Variants in CFAP46 observed in about 807,000 individuals in gnomAD.
CFAP46 encodes cilia and flagella associated protein 46.
A neutral mutation model predicts 325.7 loss-of-function variants in CFAP46; 245 were observed. The ratio of observed to expected loss-of-function variants is 0.75; its 90% CI spans 0.68 to 0.84. The LOEUF (loss-of-function observed/expected upper bound fraction) is 0.84. Among genes scored for constraint, CFAP46 ranks in the 40% least tolerant of loss-of-function variants. The pLI is 0.00. For synonymous variants in CFAP46, 1,523 were observed against 1,495.9 expected (o/e 1.02, Z -0.42); for missense variants, 3,346 against 3,543.0 (o/e 0.94, Z 1.41).
At chr10:132,933,735 G>A (rs979556450) in intron 8 of CFAP46, among the ~76,000 whole-genome samples, 46 of 152,332 alleles carry the variant, frequency 3.0e-4, no homozygotes, top group African/African-American at 9.1e-4. Flanking sequence ...GACCACGAAC[G>A]TGCTGGCGTC....
intron 6 of CFAP46, 30 bp downstream of exon 6, chr10:132,937,522 T>G: frequency 6.2e-7 from 1 of 1,612,426 alleles, no homozygotes; most frequent in Non-Finnish European, 8.5e-7. Context: ...AATTACTTCT[T>G]ACGTCTCTAT....
At position 132,912,719 on chromosome 10, in the gene CFAP46, C is replaced by G. The variant is rs569947083; in HGVS notation, c.2435G>C (p.Arg812Pro). The G allele has an allele frequency of 5.8e-6, 9 of 1,550,132 alleles. No individual in the cohort carries two copies. The African/African-American group carries it at 1.2e-4, about 21-fold the overall frequency. ...QAAEKSRKFM[R>P]PNAFHSPLDA... ...CAGTGGGCTGTGAAACGCGTTTGGT[C>G]GCATGAATTTCCTGGACTTCTCGGC... The change falls in exon 19 of 58, where the codon CGA becomes CCA. Residue 812 changes from arginine (R) to proline (P), a missense_variant. Arg to Pro is a moderately radical substitution (Grantham distance 103). Transcript: ENST00000368586.
At chr10:132,814,019 C>G in intron 54 of CFAP46, 133 bp downstream of exon 54, 6 of 678,638 alleles carry the variant, frequency 8.8e-6, no homozygotes, top group South Asian at 6.9e-5. Flanking sequence ...CTGGGTCTGT[C>G]TCAGCATTGC....
At chr10:132,809,449 G>T (rs1847534164) in intron 57 of CFAP46, among the ~76,000 whole-genome samples, 1 of 152,212 alleles carries the variant, frequency 6.6e-6, no homozygotes, top group Non-Finnish European at 1.5e-5. Flanking sequence ...GATGAGTGTG[G>T]GTTCCGTCTG....
At chr10:132,934,095 T>G (rs1472882767) in intron 8 of CFAP46, among the ~76,000 whole-genome samples, 1 of 152,336 alleles carries the variant, frequency 6.6e-6, no homozygotes, top group African/African-American at 2.4e-5. Context: ...TGCAGATAAC[T>G]AATACACCTT....
chr10:132,834,927 T>A, intron 47 of CFAP46, 152 bp from the exon 48 acceptor site: 3 of 1,134,188 alleles, frequency 2.6e-6, no homozygotes, highest in African/African-American at 1.6e-5. Context: ...GAGGGCCCCA[T>A]AGCACCTGGC....
chr10:132,825,860 C>G (rs1848035932), intron 50 of CFAP46, among the ~76,000 whole-genome samples: 1 of 152,166 alleles, frequency 6.6e-6, no homozygotes, highest in African/African-American at 2.4e-5. Flanking sequence ...GCCGAAAGGG[C>G]TGGGACTCCC....
At chr10:132,874,390 C>A (rs1235826383) in intron 31 of CFAP46, among the ~76,000 whole-genome samples, 1 of 101,680 alleles carries the variant, frequency 9.8e-6, no homozygotes, top group Non-Finnish European at 2.0e-5. Context: ...TAAAAGCATT[C>A]ATGACTAAAA....
chr10:132,916,530 C>G lies in CFAP46; in HGVS notation c.2120+19G>C. On this transcript the variant is annotated intron_variant, in intron 17 of 57. Transcript: ENST00000368586. ...CACGGCCCCGGGCGGTGCTCAAGGC[C>G]ACTGTCGCCTCTGCCCACCTGTATG... 2 of 1,544,688 alleles carry G rather than the reference C, an allele frequency of 1.3e-6. No homozygotes were observed. The highest frequency in any genetic ancestry group is 1.7e-6 in the Non-Finnish European group (2 of 1,144,098).
Position 132,939,507 on chromosome 10 carries a change from C to T in CFAP46, c.372-754G>A, listed in dbSNP as rs1850064866. On this transcript the variant is annotated intron_variant, in intron 4 of 57. Coordinates refer to ENST00000368586, the MANE Select transcript of CFAP46 (RefSeq NM_001200049.3). The surrounding 1 kb of genome is among the most constrained non-coding windows in gnomAD (Gnocchi z 4.6). The stretch of plus-strand genomic sequence containing the variant: ...TGTAGGGCCTGTGTGCCTTGTGGTC[C>T]TGGGCCGGCCACCAGGTGGACCAGC... Among the ~76,000 whole-genome samples the T allele has an allele frequency of 6.6e-6, 1 of 152,166 alleles. No individual in the cohort carries two copies. The highest frequency in any genetic ancestry group is 1.5e-5 in the Non-Finnish European group (1 of 68,020).
intron 16 of CFAP46, 64 bp from the exon 17 acceptor site, chr10:132,916,746 AACACACAC>A (rs1849646084): frequency 7.1e-7 from 1 of 1,403,704 alleles, no homozygotes; most frequent in Non-Finnish European, 9.3e-7. Flanking sequence ...CCAGATAGGA[AACACACAC>A]GCCCTTCCCT....
At chr10:132,938,855 G>A (rs1738426229) in intron 4 of CFAP46, 102 bp from the exon 5 acceptor site, 2 of 1,121,498 alleles carry the variant, frequency 1.8e-6, no homozygotes, top group Non-Finnish European at 2.5e-6. Context: ...TCCCAGGAGG[G>A]GCCTCAGGTC....
At chr10:132,821,432 CTG>C (rs931466789) in intron 50 of CFAP46, among the ~76,000 whole-genome samples, 1 of 122,252 alleles carries the variant, frequency 8.2e-6, no homozygotes, top group Non-Finnish European at 1.6e-5. Context: ...CTGATGTGTG[CTG>C]TGTGAGTGCT....
chr10:132,870,746 C>T (rs1281422175), intron 32 of CFAP46, among the ~76,000 whole-genome samples: 1 of 152,206 alleles, frequency 6.6e-6, no homozygotes, highest in Non-Finnish European at 1.5e-5. Flanking sequence ...TGGACAGAAG[C>T]TGTCTCTGTC....
intron 57 of CFAP46, 42 bp downstream of exon 57, chr10:132,810,367 A>G: frequency 6.4e-7 from 1 of 1,559,882 alleles, no homozygotes; most frequent in Non-Finnish European, 8.8e-7. Context: ...GTGGCTGCAG[A>G]GGGTGCTGAA....
chr10:132,913,342 GAACCAGGCTGCAGGGCAAGAAGTGGGA>G, intron 17 of CFAP46, 84 bp from the exon 18 acceptor site: 1 of 543,476 alleles, frequency 1.8e-6, no homozygotes, highest in Non-Finnish European at 3.2e-6. Flanking sequence ...GGCCTGTTAG[GAACCAGGCTGCAGGGCAAGAAGTGGGA>G]GGGGCGGGTG....
chr10:132,924,196 ATGCCTGCCGCC>A (rs1404502536), intron 11 of CFAP46, among the ~76,000 whole-genome samples: 4 of 150,558 alleles, frequency 2.7e-5, no homozygotes, highest in African/African-American at 7.4e-5. Context: ...GTCCACCCTG[ATGCCTGCCGCC>A]TGCCTGCCAT....
intron 50 of CFAP46, among the ~76,000 whole-genome samples, chr10:132,818,352 G>T (rs149486501): frequency 6.6e-6 from 1 of 152,240 alleles, no homozygotes; most frequent in African/African-American, 2.4e-5. Flanking sequence ...CACAAAAAAA[G>T]ATGCATTTAG....
intron 22 of CFAP46, among the ~76,000 whole-genome samples, chr10:132,905,285 T>C (rs1849441174): frequency 6.6e-6 from 1 of 152,092 alleles, no homozygotes; most frequent in Admixed American, 6.5e-5. Context: ...CTCTGAACTG[T>C]CCCCATCCGT....
Sources: allele counts gnomAD v4.1 joint callset (sites outside exome capture counted in the v4.1 genomes callset), GRCh38; gene constraint gnomAD v4.1.1; non-coding constraint Gnocchi (gnomAD v3.1); transcripts MANE v1.5; gene names NCBI Gene and HGNC (gene_info 2026-07-23, HGNC 2026-07-21).